The following PGM2 variants were observed in gnomAD, a reference collection of about 807,000 sequenced individuals.
PGM2 encodes phosphopentomutase.
Under a neutral mutation model 74.6 loss-of-function variants are expected in PGM2, and 57 were observed. The observed-to-expected ratio is 0.76, with a 90% CI of 0.62 to 0.95. The LOEUF is 0.95. Ranked by LOEUF, PGM2 falls within the 40% of genes least tolerant of loss-of-function variation. The probability of loss-of-function intolerance (pLI) is 0.00; values close to 1 mark genes in which losing one functional copy is unlikely to be tolerated. For missense variants in PGM2, 706 were observed against 741.9 expected (o/e 0.95, Z 0.56); for synonymous variants, 273 against 260.7 (o/e 1.05, Z -0.46).
intron 12 of PGM2, among the ~76,000 whole-genome samples, chr4:37,854,797 G>A (rs1014468787): frequency 4.6e-5 from 7 of 151,612 alleles, no homozygotes; most frequent in African/African-American, 1.7e-4. Flanking sequence ...TCAATATCTT[G>A]TGAAATGATG....
chr4:37,855,541 CA>C, intron 12 of PGM2, 66 bp from the exon 13 acceptor site: 2 of 1,369,726 alleles, frequency 1.5e-6, no homozygotes, highest in Non-Finnish European at 1.0e-6. Flanking sequence ...CTTACTTATG[CA>C]AGAGAAGATA....
chr4:37,861,624 C>T lies in PGM2; in HGVS notation c.*12C>T, dbSNP rs2152183346. ...CAAAAGCAGACTAAAATAGTCCAGC[C>T]TTGGGTATACTTGCATTTACCTACA... On this transcript the variant is annotated 3_prime_UTR_variant, in exon 14 of 14. Coordinates refer to ENST00000381967, the MANE Select transcript of PGM2 (RefSeq NM_018290.4). The T allele has an allele frequency of 2.6e-6, 4 of 1,511,608 alleles. No individual in the cohort carries two copies. The highest frequency in any genetic ancestry group is 2.3e-5 in the East Asian group (1 of 44,370). 93.6% of individuals were successfully genotyped at this position (1,511,608 alleles called of 1,614,324 possible).
intron 12 of PGM2, among the ~76,000 whole-genome samples, chr4:37,851,366 T>C (rs1726034700): frequency 6.6e-6 from 1 of 152,262 alleles, no homozygotes; most frequent in Admixed American, 6.5e-5. Context: ...GTGTACTCTG[T>C]TCTCTGAGTG....
At chr4:37,852,123 A>G (rs578051289) in intron 12 of PGM2, among the ~76,000 whole-genome samples, 6 of 126,910 alleles carry the variant, frequency 4.7e-5, no homozygotes, top group Non-Finnish European at 9.8e-5. Flanking sequence ...GTATGCCATC[A>G]TGCCCAGCTC....
chr4:37,853,011 T>C (rs1026876086), intron 12 of PGM2, among the ~76,000 whole-genome samples: 1 of 152,250 alleles, frequency 6.6e-6, no homozygotes, highest in African/African-American at 2.4e-5. Flanking sequence ...AGCTCTTAGA[T>C]GCTGGCTTTC....
At chr4:37,861,443 G>A (rs1056583358) in intron 13 of PGM2, 67 bp from the exon 14 acceptor site, 2 of 995,146 alleles carry the variant, frequency 2.0e-6, no homozygotes, top group Non-Finnish European at 3.2e-6. Flanking sequence ...TGGTCAATGG[G>A]GGGAGCATTT....
rs768997475 is a variant in PGM2, at chr4:37,848,587, T to C, written c.1348T>C (p.Leu450=). ...CAGTGCCGCTGTCATAAGTGCAGAGTTGGCTAGCTTCCTAGCAACCAAGAA... is the reference window on the plus strand; with the variant it reads ...CAGTGCCGCTGTCATAAGTGCAGAGCTGGCTAGCTTCCTAGCAACCAAGAA... ...GVSAAVISAE[L]ASFLATKNLS... The change falls in exon 11 of 14, where the codon TTG becomes CTG. Residue 450 remains leucine (L), a synonymous_variant. Coordinates refer to ENST00000381967, the MANE Select transcript of PGM2 (RefSeq NM_018290.4). 1.2e-6 allele frequency: 2 copies of C among 1,613,610 alleles called. No individual in the cohort carries two copies. Among genetic ancestry groups the C allele is most frequent in the Admixed American group, 1.7e-5 (1 of 60,022 alleles).
At chr4:37,844,677 T>A (rs994314830) in intron 7 of PGM2, 124 bp downstream of exon 7, 9 of 663,620 alleles carry the variant, frequency 1.4e-5, no homozygotes, top group South Asian at 5.8e-5. Flanking sequence ...CATGGAAATA[T>A]GTATGTTTGG....
intron 13 of PGM2, among the ~76,000 whole-genome samples, chr4:37,860,076 CAT>C (rs752424159): frequency 4.6e-5 from 7 of 152,262 alleles, no homozygotes; most frequent in East Asian, 3.9e-4. Context: ...ATATCAAAAA[CAT>C]ATCACTGCAT....
At chr4:37,845,187 T>C (rs1450989727) in intron 7 of PGM2, among the ~76,000 whole-genome samples, 4 of 152,142 alleles carry the variant, frequency 2.6e-5, no homozygotes, top group Non-Finnish European at 5.9e-5. Context: ...CAGGTTATGA[T>C]TTTTATTTCT....
chr4:37,843,713 G>A (rs1007334030), intron 6 of PGM2, among the ~76,000 whole-genome samples: 5 of 151,490 alleles, frequency 3.3e-5, no homozygotes, highest in Admixed American at 2.0e-4. Context: ...AGGTTCAAGC[G>A]ATTCTCTTGC....
chr4:37,829,982 G>C lies in PGM2; in HGVS notation c.100G>C (p.Ala34Pro), dbSNP rs114326618. Reference sequence around the variant, plus strand: ...TTTTCAGAATTCCTTAACTTTGGAGGCAGTGAAACGACTAATAGCAGAAGG... The same window carrying C: ...TTTTCAGAATTCCTTAACTTTGGAGCCAGTGAAACGACTAATAGCAGAAGG... ...RWDKNSLTLE[A>P]VKRLIAEGNK... The change falls in exon 2 of 14, where the codon GCA becomes CCA. Residue 34 changes from alanine to proline, a missense_variant. Coordinates refer to ENST00000381967, the MANE Select transcript of PGM2 (RefSeq NM_018290.4). The C allele has an allele frequency of 1.3e-6, 2 of 1,599,586 alleles. No homozygotes were observed. The highest frequency in any genetic ancestry group is 2.7e-5 in the African/African-American group (2 of 74,312).
At chr4:37,860,465 A>T (rs1173088246) in intron 13 of PGM2, among the ~76,000 whole-genome samples, 2 of 152,230 alleles carry the variant, frequency 1.3e-5, no homozygotes, top group Admixed American at 1.3e-4. Context: ...ACAAATGAGG[A>T]ATCTGGGCCT....
chr4:37,849,783 T>C (rs981135334), intron 11 of PGM2, among the ~76,000 whole-genome samples: 2 of 151,914 alleles, frequency 1.3e-5, no homozygotes, highest in Non-Finnish European at 2.9e-5. Flanking sequence ...TATTTTATTA[T>C]TTATTTTATT....
chr4:37,849,011 A>G (rs968199286), intron 11 of PGM2, among the ~76,000 whole-genome samples: 33 of 151,600 alleles, frequency 2.2e-4, no homozygotes, highest in African/African-American at 7.7e-4. Context: ...CAGAGGTTGC[A>G]GTGAGCCGAG....
chr4:37,861,020 A>G (rs1360206806), intron 13 of PGM2, among the ~76,000 whole-genome samples: 3 of 152,138 alleles, frequency 2.0e-5, no homozygotes, highest in Admixed American at 6.6e-5. Flanking sequence ...TCATTCTAGG[A>G]AGGCTTTATA....
intron 12 of PGM2, among the ~76,000 whole-genome samples, chr4:37,854,393 C>A (rs28590248): frequency 3.3e-5 from 5 of 151,658 alleles, no homozygotes; most frequent in Admixed American, 6.6e-5. Context: ...CTCTGTTACC[C>A]AGGCTGGAGT....
intron 13 of PGM2, among the ~76,000 whole-genome samples, chr4:37,857,748 C>T (rs951596393): frequency 2.6e-5 from 4 of 152,188 alleles, no homozygotes; most frequent in African/African-American, 9.6e-5. Flanking sequence ...AGTGCAAAAA[C>T]TCAACTATTA....
chr4:37,859,219 C>T (rs1197292593), intron 13 of PGM2, among the ~76,000 whole-genome samples: 1 of 152,162 alleles, frequency 6.6e-6, no homozygotes, highest in African/African-American at 2.4e-5. Context: ...CATCATAAGA[C>T]TTCATGATGC....
Sources: gnomAD v4.1 joint callset for allele counts (sites outside exome capture counted in the v4.1 genomes callset) on GRCh38, gnomAD v4.1.1 for gene constraint, MANE v1.5 for transcripts, NCBI Gene and HGNC (gene_info 2026-07-23, HGNC 2026-07-21) for gene names.